The following DNAI4 variants were observed in gnomAD, a reference collection of about 807,000 sequenced individuals.
DNAI4 encodes dynein axonemal intermediate chain 4, also known as WD repeat domain 78.
Under a neutral mutation model 105.8 loss-of-function variants are expected in DNAI4, and 85 were observed. The ratio of observed to expected loss-of-function variants is 0.80; its 90% CI spans 0.67 to 0.96. The LOEUF is 0.96. Ranked by LOEUF, DNAI4 falls within the 40% of genes least tolerant of loss-of-function variation. DNAI4 has a pLI of 0.00. For missense variants in DNAI4, 1,014 were observed against 1,005.6 expected (o/e 1.01, Z -0.11); for synonymous variants, 352 against 331.5 (o/e 1.06, Z -0.67).
At chr1:66,888,909 T>C (rs926751735) in intron 4 of DNAI4, among the ~76,000 whole-genome samples, 3 of 152,236 alleles carry the variant, frequency 2.0e-5, no homozygotes, top group Admixed American at 6.5e-5. Context: ...AGAGTTAGTT[T>C]CTAAGCAAAA....
At chr1:66,898,806 A>C (rs1648557542) in intron 2 of DNAI4, among the ~76,000 whole-genome samples, 1 of 152,198 alleles carries the variant, frequency 6.6e-6, no homozygotes, top group South Asian at 2.1e-4. Context: ...GCCCTACGCC[A>C]CCACTAGTAT....
At chr1:66,923,064 C>A (rs1650636517) in intron 1 of DNAI4, among the ~76,000 whole-genome samples, 1 of 152,164 alleles carries the variant, frequency 6.6e-6, no homozygotes, top group African/African-American at 2.4e-5. Context: ...TGTCTAACAA[C>A]GTTGTAGTTG....
intron 8 of DNAI4, among the ~76,000 whole-genome samples, chr1:66,841,160 T>C (rs1050438810): frequency 6.6e-6 from 1 of 152,208 alleles, no homozygotes; most frequent in African/African-American, 2.4e-5. Context: ...CTACTTCCTG[T>C]TTACTAAGTT....
intron 7 of DNAI4, among the ~76,000 whole-genome samples, chr1:66,854,464 C>T (rs1169928676): frequency 1.3e-5 from 2 of 152,006 alleles, no homozygotes; most frequent in African/African-American, 4.8e-5. Context: ...AAAACATGTA[C>T]AGGGCTTGAA....
rs1249905006 is a variant in DNAI4, at chr1:66,871,482, A to G, written c.828T>C (p.Leu276=). The change falls in exon 6 of 17, where the codon CTT becomes CTC. Residue 276 remains leucine (L), a synonymous_variant. Coordinates refer to ENST00000371026, the MANE Select transcript of DNAI4 (RefSeq NM_024763.5). ...VTQRNKNYEV[L]CRNRLGNDLY... ...GGTCATTGCCTAATCTGTTTCTACA[A>G]AGGACTTCATAATTCTTGTTTCTCT... is the stretch of plus-strand genomic sequence containing the variant. 1 of 1,599,166 alleles carries G rather than the reference A, an allele frequency of 6.3e-7. No homozygotes were observed.
At chr1:66,840,143 T>C (rs958908732) in intron 9 of DNAI4, among the ~76,000 whole-genome samples, 1 of 152,230 alleles carries the variant, frequency 6.6e-6, no homozygotes, top group African/African-American at 2.4e-5. Context: ...ATACGTTGAA[T>C]AAATATACCA....
chr1:66,894,414 C>T (rs896741247), intron 2 of DNAI4, among the ~76,000 whole-genome samples: 1 of 152,056 alleles, frequency 6.6e-6, no homozygotes, highest in African/African-American at 2.4e-5. Flanking sequence ...TGAGTCCTTT[C>T]AGTTGTATGA....
intron 4 of DNAI4, among the ~76,000 whole-genome samples, chr1:66,886,571 T>C (rs1647207121): frequency 6.6e-6 from 1 of 152,186 alleles, no homozygotes; most frequent in Admixed American, 6.5e-5. Context: ...CAGGCTTCTC[T>C]TTGTATTGCT....
chr1:66,881,239 G>A (rs760429748), intron 4 of DNAI4, among the ~76,000 whole-genome samples: 2 of 152,248 alleles, frequency 1.3e-5, no homozygotes, highest in Non-Finnish European at 2.9e-5. Flanking sequence ...CCCTACTGGG[G>A]CACTGCCTAG....
intron 7 of DNAI4, among the ~76,000 whole-genome samples, chr1:66,853,914 G>GA (rs1292615671): frequency 6.6e-6 from 1 of 151,948 alleles, no homozygotes; most frequent in Non-Finnish European, 1.5e-5. Flanking sequence ...AGATCAGATA[G>GA]AAAAAAAATG....
At chr1:66,858,629 G>GT (rs1337360290) in intron 7 of DNAI4, among the ~76,000 whole-genome samples, 1 of 151,492 alleles carries the variant, frequency 6.6e-6, no homozygotes, top group Non-Finnish European at 1.5e-5. Flanking sequence ...ATCAAATGGC[G>GT]TTTTTTCAAG....
chr1:66,863,473 A>AT (rs1209286725), intron 6 of DNAI4, among the ~76,000 whole-genome samples: 1 of 151,766 alleles, frequency 6.6e-6, no homozygotes, highest in Admixed American at 6.6e-5. Context: ...GTTTTGTTTC[A>AT]TTTTTTTAAG....
At chr1:66,881,871 A>C (rs1647078891) in intron 4 of DNAI4, among the ~76,000 whole-genome samples, 1 of 152,218 alleles carries the variant, frequency 6.6e-6, no homozygotes, top group African/African-American at 2.4e-5. Context: ...ATTCCATGTC[A>C]TGAGAGGAAC....
chr1:66,819,063 C>T (rs1645574259), intron 16 of DNAI4, among the ~76,000 whole-genome samples: 1 of 152,066 alleles, frequency 6.6e-6, no homozygotes, highest in African/African-American at 2.4e-5. Context: ...TCTGAAGAGG[C>T]TATTTTAATT....
intron 6 of DNAI4, among the ~76,000 whole-genome samples, chr1:66,862,538 A>G (rs888713927): frequency 6.6e-6 from 1 of 152,214 alleles, no homozygotes; most frequent in African/African-American, 2.4e-5. Flanking sequence ...ACTCTAGCCT[A>G]GACAACATGG....
intron 2 of DNAI4, among the ~76,000 whole-genome samples, chr1:66,895,382 T>A (rs1421709339): frequency 1.3e-5 from 2 of 152,174 alleles, no homozygotes; most frequent in Admixed American, 1.3e-4. Flanking sequence ...GCAAGAGGAC[T>A]GCTTAAGCCC....
At chr1:66,919,959 C>G (rs1650344255) in intron 1 of DNAI4, among the ~76,000 whole-genome samples, 1 of 152,208 alleles carries the variant, frequency 6.6e-6, no homozygotes, top group Admixed American at 6.5e-5. Flanking sequence ...GAATAGGAAG[C>G]AGGGAAATTC....
Position 66,914,594 on chromosome 1 carries a change from T to A in DNAI4, c.171-9219A>T, listed in dbSNP as rs146304083. On this transcript the variant is annotated intron_variant, in intron 1 of 16. Coordinates refer to ENST00000371026, the MANE Select transcript of DNAI4 (RefSeq NM_024763.5). ...CCGCATCTTATAATGTAAATTTTGCTATCTGACTTTCACCTGAGTTGTTTC... is the reference window on the plus strand; with the variant it reads ...CCGCATCTTATAATGTAAATTTTGCAATCTGACTTTCACCTGAGTTGTTTC... 3.3e-3 allele frequency among the ~76,000 whole-genome samples: 507 copies of A among 152,320 alleles called. 11 individuals are homozygous for A. The highest frequency in any genetic ancestry group is 1.3e-3 in the Non-Finnish European group (90 of 68,032).
chr1:66,855,623 G>A (rs1485184477), intron 7 of DNAI4, among the ~76,000 whole-genome samples: 1 of 151,996 alleles, frequency 6.6e-6, no homozygotes, highest in Non-Finnish European at 1.5e-5. Context: ...ATAAAGAGGG[G>A]CATTACATAT....
Sources: allele counts gnomAD v4.1 joint callset (sites outside exome capture counted in the v4.1 genomes callset), GRCh38; gene constraint gnomAD v4.1.1; transcripts MANE v1.5; gene names NCBI Gene and HGNC (gene_info 2026-07-23, HGNC 2026-07-21).